Variants in SCFD1 observed in about 807,000 individuals in gnomAD.
The protein encoded by SCFD1 is sec1 family domain-containing protein 1.
SCFD1 carries 37 observed loss-of-function variants against 103.2 expected under a neutral mutation model. That is an observed-to-expected ratio of 0.36 (90% CI 0.28 to 0.47). The LOEUF is 0.47. SCFD1 is among the 20% of genes least tolerant of loss of function. The probability of loss-of-function intolerance (pLI) is 1.00; values close to 1 mark genes in which losing one functional copy is unlikely to be tolerated. For synonymous variants in SCFD1, 264 were observed against 245.0 expected (o/e 1.08, Z -0.73); for missense variants, 639 against 761.2 (o/e 0.84, Z 1.89).
intron 10 of SCFD1, among the ~76,000 whole-genome samples, chr14:30,663,790 T>G (rs1236017471): frequency 6.6e-6 from 1 of 152,224 alleles, no homozygotes; most frequent in Non-Finnish European, 1.5e-5. Context: ...ATCTTGATTC[T>G]GCCACATATT....
Position 30,708,063 on chromosome 14 carries a change from C to A in SCFD1, c.1627C>A (p.Gln543Lys). ...AGTGAAGAACCTGGTTTTGAAACAG[C>A]AAGTAAGTACACTTGTTAGAAAACA... ...EGVKNLVLKQ[Q>K]NLPVTRILDN... Residue 543 changes from glutamine to lysine, a missense_variant and splice_region_variant, in exon 19 of 25, where the codon CAA (glutamine) becomes AAA (lysine). Coordinates refer to ENST00000458591, the MANE Select transcript of SCFD1 (RefSeq NM_016106.4). 1 of 1,589,458 alleles carries A rather than the reference C, an allele frequency of 6.3e-7. No homozygotes were observed. Among genetic ancestry groups the A allele is most frequent in the Non-Finnish European group, 8.6e-7 (1 of 1,157,670 alleles).
intron 14 of SCFD1, among the ~76,000 whole-genome samples, chr14:30,678,247 C>G (rs2139240215): frequency 6.6e-6 from 1 of 152,242 alleles, no homozygotes; most frequent in African/African-American, 2.4e-5. Context: ...TAGAGTATAA[C>G]CGCTTCTTAC....
chr14:30,732,528 A>T (rs1481610543), intron 23 of SCFD1, among the ~76,000 whole-genome samples: 1 of 152,180 alleles, frequency 6.6e-6, no homozygotes, highest in Non-Finnish European at 1.5e-5. Context: ...GAATAATCCT[A>T]ATCTTTTCCC....
In SCFD1 at chr14:30,708,440, A is replaced by G. The variant is rs561297894; in HGVS notation, c.1629+375A>G. Among the ~76,000 whole-genome samples the G allele has an allele frequency of 2.6e-5, 4 of 152,266 alleles. No homozygotes were observed. In the South Asian group the frequency reaches 8.3e-4, roughly 32 times the overall value. On this transcript the variant is annotated intron_variant, in intron 19 of 24. Transcript: ENST00000458591. Reference sequence around the variant, plus strand: ...GTATTTGGTTTTCTGTTCCTGAGTTAGAAATCAAGGAGTTCTTTATTAGTG... The same window carrying G: ...GTATTTGGTTTTCTGTTCCTGAGTTGGAAATCAAGGAGTTCTTTATTAGTG...
At chr14:30,670,426 A>C (rs751355292) in intron 11 of SCFD1, 31 bp downstream of exon 11, 4 of 1,456,622 alleles carry the variant, frequency 2.7e-6, no homozygotes, top group Non-Finnish European at 2.8e-6. Context: ...TAAAAGATTC[A>C]TTTTTTTAAA....
chr14:30,704,022 CAT>C (rs1226497523), intron 17 of SCFD1, among the ~76,000 whole-genome samples: 2 of 143,934 alleles, frequency 1.4e-5, no homozygotes, highest in Non-Finnish European at 1.5e-5. Context: ...ATTATTGTCT[CAT>C]ATGCATAGCC....
intron 23 of SCFD1, among the ~76,000 whole-genome samples, chr14:30,728,383 A>T (rs1195551165): frequency 6.6e-6 from 1 of 152,188 alleles, no homozygotes; most frequent in African/African-American, 2.4e-5. Context: ...TTCTTTATCA[A>T]ATGATATATA....
Position 30,653,608 on chromosome 14 carries a change from A to G in SCFD1, c.855+20A>G, listed in dbSNP as rs961844715. 2.7e-6 allele frequency: 4 copies of G among 1,470,590 alleles called. No individual in the cohort carries two copies. Among genetic ancestry groups the G allele is most frequent in the Non-Finnish European group, 3.8e-6 (4 of 1,056,138 alleles). The allele number at this position is 1,470,590 out of a possible 1,614,324, so 91.1% of individuals were successfully genotyped here. On this transcript the variant is annotated intron_variant, in intron 10 of 24. Coordinates refer to ENST00000458591, the MANE Select transcript of SCFD1 (RefSeq NM_016106.4). ...GTACTGGTAAGAGACTAAATGCAGC[A>G]CTTATTACTGAAATATAGTAACATG...
chr14:30,690,646 G>A lies in SCFD1; in HGVS notation c.1243-4127G>A, dbSNP rs545280300. On this transcript the variant is annotated intron_variant, in intron 14 of 24. Transcript: ENST00000458591. Reference sequence around the variant, plus strand: ...TGACCCCTTGCGCTTCCCAGGTGAGGCAATGCCTCGCCCTGCTTCGGCTCG... The same window carrying A: ...TGACCCCTTGCGCTTCCCAGGTGAGACAATGCCTCGCCCTGCTTCGGCTCG... Among the ~76,000 whole-genome samples, 7 of 146,784 alleles carry A rather than the reference G, an allele frequency of 4.8e-5. No individual in the cohort carries two copies. The South Asian group carries it at 1.5e-3, about 32-fold the overall frequency.
At chr14:30,677,790 G>T (rs1295063593) in intron 14 of SCFD1, among the ~76,000 whole-genome samples, 2 of 137,430 alleles carry the variant, frequency 1.5e-5, no homozygotes, top group African/African-American at 5.5e-5. Context: ...GACCATCTGA[G>T]CTTTACTTAC....
At chr14:30,719,907 G>A (rs931684272) in intron 21 of SCFD1, among the ~76,000 whole-genome samples, 1 of 146,336 alleles carries the variant, frequency 6.8e-6, no homozygotes, top group Non-Finnish European at 1.5e-5. Flanking sequence ...TTAATTAGCG[G>A]TGGTATGACA....
intron 6 of SCFD1, 70 bp from the exon 7 acceptor site, chr14:30,643,242 ATAAT>A: frequency 1.1e-6 from 1 of 951,872 alleles, no homozygotes; most frequent in Non-Finnish European, 1.7e-6. Flanking sequence ...GAATTTAGTA[ATAAT>A]TTTAGGAGTT....
At chr14:30,667,906 C>T (rs569079246) in intron 10 of SCFD1, among the ~76,000 whole-genome samples, 2 of 152,076 alleles carry the variant, frequency 1.3e-5, no homozygotes, top group African/African-American at 4.8e-5. Context: ...TAAAAGAGGA[C>T]ACAAACAAAT....
intron 10 of SCFD1, among the ~76,000 whole-genome samples, chr14:30,666,165 CCT>C (rs1887947224): frequency 6.6e-6 from 1 of 152,190 alleles, no homozygotes; most frequent in Non-Finnish European, 1.5e-5. Flanking sequence ...GTAAAGCACT[CCT>C]CAGCAAATGT....
chr14:30,696,102 T>A (rs532793649), intron 15 of SCFD1, among the ~76,000 whole-genome samples: 1 of 152,308 alleles, frequency 6.6e-6, no homozygotes, highest in East Asian at 1.9e-4. Flanking sequence ...TATAAGCTAT[T>A]TAAGCTGCAT....
intron 10 of SCFD1, among the ~76,000 whole-genome samples, chr14:30,657,106 T>C (rs1264851783): frequency 6.6e-6 from 1 of 151,432 alleles, no homozygotes; most frequent in Non-Finnish European, 1.5e-5. Context: ...CACCTGCCAG[T>C]GGTGTTGGTG....
At chr14:30,643,621 T>C (rs1381927914) in intron 7 of SCFD1, among the ~76,000 whole-genome samples, 1 of 152,226 alleles carries the variant, frequency 6.6e-6, no homozygotes, top group Admixed American at 6.5e-5. Flanking sequence ...GTTGTCATTT[T>C]AGATGTCTTT....
intron 7 of SCFD1, among the ~76,000 whole-genome samples, chr14:30,648,531 C>G (rs1267534762): frequency 6.6e-6 from 1 of 152,154 alleles, no homozygotes; most frequent in Non-Finnish European, 1.5e-5. Flanking sequence ...TAGCAGTCCC[C>G]AAACTGCTGA....
intron 7 of SCFD1, among the ~76,000 whole-genome samples, chr14:30,646,903 G>T (rs1885889309): frequency 6.6e-6 from 1 of 152,032 alleles, no homozygotes; most frequent in Non-Finnish European, 1.5e-5. Context: ...TGTTCATAGG[G>T]GTGTTTGTAA....
Sources: gnomAD v4.1 joint callset for allele counts (sites outside exome capture counted in the v4.1 genomes callset) on GRCh38, gnomAD v4.1.1 for gene constraint, MANE v1.5 for transcripts, NCBI Gene and HGNC (gene_info 2026-07-23, HGNC 2026-07-21) for gene names.